ZNF385D: variants seen among roughly 807,000 people sequenced by gnomAD.
ZNF385D encodes zinc finger protein 659.
A neutral mutation model predicts 35.8 loss-of-function variants in ZNF385D; 15 were observed. That is an observed-to-expected ratio of 0.42 (90% CI 0.28 to 0.64). ZNF385D has a LOEUF of 0.64. Ranked by LOEUF, ZNF385D falls within the 30% of genes least tolerant of loss-of-function variation. The pLI is 0.23. For missense variants in ZNF385D, 474 were observed against 494.6 expected (o/e 0.96, Z 0.39); for synonymous variants, 212 against 186.8 (o/e 1.13, Z -1.10).
At chr3:21,601,920 A>G (rs1357986488) in intron 2 of ZNF385D, among the ~76,000 whole-genome samples, 2 of 152,096 alleles carry the variant, frequency 1.3e-5, no homozygotes, top group Non-Finnish European at 2.9e-5. Flanking sequence ...TTTACTCTCC[A>G]TATTTTATGT....
chr3:21,984,973 T>C (rs934380949), intron 3 of ZNF385D, among the ~76,000 whole-genome samples: 1 of 151,584 alleles, frequency 6.6e-6, no homozygotes, highest in African/African-American at 2.4e-5. Flanking sequence ...TGTTTGTCTG[T>C]TTTTTGTGTA....
chr3:22,067,122 A>G (rs1699998977), intron 3 of ZNF385D, among the ~76,000 whole-genome samples: 3 of 152,208 alleles, frequency 2.0e-5, no homozygotes, highest in African/African-American at 7.2e-5. Flanking sequence ...TGGTACAGGC[A>G]TTAGAAAAAT....
rs1245054835 is a variant in ZNF385D, at chr3:21,418,644, G to A, written c.*2570C>T. 6.6e-6 allele frequency: 1 copy of A among 152,134 alleles called. No homozygotes were observed. The highest frequency in any genetic ancestry group is 1.5e-5 in the Non-Finnish European group (1 of 68,000). 9.4% of individuals were successfully genotyped at this position (152,134 alleles called of 1,614,324 possible). On this transcript the variant is annotated 3_prime_UTR_variant, in exon 8 of 8. Transcript: ENST00000281523. ...AAGACAGTAATGCCTTGTGACCCAG[G>A]ACACTGTGTATCCCATAGGCCCTGA...
chr3:21,866,194 T>C (rs1339170085), intron 3 of ZNF385D, among the ~76,000 whole-genome samples: 1 of 152,072 alleles, frequency 6.6e-6, no homozygotes, highest in Non-Finnish European at 1.5e-5. Context: ...GGCTCACGCC[T>C]ATAATCCCAG....
chr3:22,244,190 A>C (rs1261250241), intron 2 of ZNF385D, among the ~76,000 whole-genome samples: 4 of 150,398 alleles, frequency 2.7e-5, no homozygotes, highest in African/African-American at 4.9e-5. Context: ...AGCCATTATT[A>C]AACTTTTTCT....
intron 3 of ZNF385D, among the ~76,000 whole-genome samples, chr3:21,789,202 CTATAA>C (rs1194141822): frequency 5.3e-5 from 8 of 152,236 alleles, no homozygotes; most frequent in African/African-American, 1.7e-4. Context: ...TTAATTAAAT[CTATAA>C]TATAATTATC....
In ZNF385D at chr3:21,615,793, A is replaced by AGTGTGTGT. The variant is rs144521609; in HGVS notation, c.165+49085_165+49092dup. Among the ~76,000 whole-genome samples the AGTGTGTGT allele has an allele frequency of 1.9e-3, 279 of 145,354 alleles. 1 individual carries two copies. The highest frequency in any genetic ancestry group is 2.3e-3 in the Non-Finnish European group (153 of 66,696). ...ATGACTGCAAAGAAAATGGAGAAAGAGTGTGTGTGTGTGTGTGTGTGTGTT... is the reference window on the plus strand; with the variant it reads ...ATGACTGCAAAGAAAATGGAGAAAGAGTGTGTGTGTGTGTGTGTGTGTGTGTGTGTGTT... On this transcript the variant is annotated intron_variant, in intron 2 of 7. Transcript: ENST00000281523.
chr3:21,753,015 T>C (rs1236997329), upstream of ZNF385D, among the ~76,000 whole-genome samples: 1 of 152,272 alleles, frequency 6.6e-6, no homozygotes, highest in African/African-American at 2.4e-5. Flanking sequence ...AGTTGGAAGA[T>C]GCAAGCATTG....
chr3:22,217,317 C>T (rs937055959), intron 2 of ZNF385D, among the ~76,000 whole-genome samples: 3 of 152,124 alleles, frequency 2.0e-5, no homozygotes, highest in East Asian at 1.9e-4. Flanking sequence ...CCCCATCATG[C>T]GACCCTCTGT....
intron 1 of ZNF385D, among the ~76,000 whole-genome samples, chr3:21,737,064 C>T (rs1162059054): frequency 8.5e-5 from 13 of 152,110 alleles, no homozygotes; most frequent in South Asian, 4.1e-4. Context: ...CTCAGCCTCC[C>T]GAGTAACTGG....
chr3:22,268,744 T>C (rs147701042), intron 2 of ZNF385D, among the ~76,000 whole-genome samples: 1 of 152,154 alleles, frequency 6.6e-6, no homozygotes, highest in African/African-American at 2.4e-5. Flanking sequence ...TAAATGAAAG[T>C]ATGCATGTAA....
intron 3 of ZNF385D, among the ~76,000 whole-genome samples, chr3:21,990,023 A>T (rs1695061774): frequency 1.3e-5 from 2 of 152,226 alleles, no homozygotes; most frequent in Non-Finnish European, 2.9e-5. Flanking sequence ...CAAATATTAA[A>T]TGGGAAATAA....
At chr3:22,115,079 A>G (rs1459278207) in intron 3 of ZNF385D, among the ~76,000 whole-genome samples, 2 of 152,110 alleles carry the variant, frequency 1.3e-5, no homozygotes, top group African/African-American at 4.8e-5. Flanking sequence ...AAACTAAGAC[A>G]GGGTGTCAAC....
intron 3 of ZNF385D, among the ~76,000 whole-genome samples, chr3:21,761,655 G>C (rs1263098976): frequency 6.6e-6 from 1 of 152,086 alleles, no homozygotes; most frequent in Non-Finnish European, 1.5e-5. Context: ...AGACACTTTG[G>C]AGGAGTGAAG....
chr3:22,349,235 T>C (rs1695805116), intron 2 of ZNF385D, among the ~76,000 whole-genome samples: 1 of 152,070 alleles, frequency 6.6e-6, no homozygotes, highest in African/African-American at 2.4e-5. Context: ...AACAAGCAAA[T>C]ACATGTTTGG....
intron 3 of ZNF385D, among the ~76,000 whole-genome samples, chr3:21,973,628 G>C (rs1703406431): frequency 6.6e-6 from 1 of 151,858 alleles, no homozygotes; most frequent in Non-Finnish European, 1.5e-5. Flanking sequence ...AAGGAAAGAA[G>C]TAAAATTATC....
intron 3 of ZNF385D, among the ~76,000 whole-genome samples, chr3:21,875,085 T>C (rs997600555): frequency 6.6e-6 from 1 of 152,088 alleles, no homozygotes; most frequent in Non-Finnish European, 1.5e-5. Context: ...CTGATTTTTG[T>C]ATGTTAATTT....
At chr3:21,464,394 A>G (rs1382898492) in intron 4 of ZNF385D, among the ~76,000 whole-genome samples, 1 of 152,210 alleles carries the variant, frequency 6.6e-6, no homozygotes, top group Non-Finnish European at 1.5e-5. Flanking sequence ...ATATTAAAAA[A>G]CAAAAATTAA....
chr3:22,166,756 T>G (rs559990065), intron 3 of ZNF385D, among the ~76,000 whole-genome samples: 1 of 152,254 alleles, frequency 6.6e-6, no homozygotes, highest in African/African-American at 2.4e-5. Context: ...AACTCTGATT[T>G]GGGTTTCTAA....
Sources: allele counts gnomAD v4.1 joint callset (sites outside exome capture counted in the v4.1 genomes callset), GRCh38; gene constraint gnomAD v4.1.1; transcripts MANE v1.5; gene names NCBI Gene and HGNC (gene_info 2026-07-23, HGNC 2026-07-21).